ITGA1: variants seen among roughly 807,000 people sequenced by gnomAD.
ITGA1 encodes integrin subunit alpha 1.
ITGA1 carries 85 observed loss-of-function variants against 145.9 expected under a neutral mutation model. That is an observed-to-expected ratio of 0.58 (90% CI 0.49 to 0.70). The LOEUF is 0.70. Ranked by LOEUF, ITGA1 falls within the 30% of genes least tolerant of loss-of-function variation. The pLI, the probability that ITGA1 is intolerant of heterozygous loss-of-function variation, is 0.00. For missense variants in ITGA1, 1,351 were observed against 1,418.7 expected (o/e 0.95, Z 0.77); for synonymous variants, 520 against 495.3 (o/e 1.05, Z -0.66).
At chr5:52,831,077 A>G (rs1749054074) in intron 1 of ITGA1, among the ~76,000 whole-genome samples, 1 of 151,992 alleles carries the variant, frequency 6.6e-6, no homozygotes, top group Non-Finnish European at 1.5e-5. Context: ...AAATATAGAG[A>G]CCTTTTAGGA....
At chr5:52,926,495 A>C (rs1382755863) in intron 19 of ITGA1, among the ~76,000 whole-genome samples, 1 of 141,206 alleles carries the variant, frequency 7.1e-6, no homozygotes, top group East Asian at 2.0e-4. Context: ...CCAGCTACTC[A>C]GGAGGCTGAG....
chr5:52,800,211 G>A, intron 1 of ITGA1: 1 of 619,830 alleles, frequency 1.6e-6, no homozygotes, highest in Non-Finnish European at 2.8e-6. Context: ...GAGAGGAAAG[G>A]ATAGAGGAAG....
chr5:52,793,672 C>T (rs768754424), intron 1 of ITGA1, among the ~76,000 whole-genome samples: 1 of 151,976 alleles, frequency 6.6e-6, no homozygotes, highest in African/African-American at 2.4e-5. Context: ...ATGTGAACCC[C>T]ATCTAGATAC....
chr5:52,820,807 GT>G (rs900787615), intron 1 of ITGA1, among the ~76,000 whole-genome samples: 38 of 151,288 alleles, frequency 2.5e-4, no homozygotes, highest in Admixed American at 1.2e-3. Flanking sequence ...TATTATCTCA[GT>G]TTTTTTTTAT....
At chr5:52,934,506 A>G (rs1169918673) in intron 23 of ITGA1, among the ~76,000 whole-genome samples, 1 of 151,898 alleles carries the variant, frequency 6.6e-6, no homozygotes, top group African/African-American at 2.4e-5. Flanking sequence ...TTTCACATGC[A>G]TTGTACTATA....
chr5:52,929,336 A>G (rs1750862554), intron 20 of ITGA1, among the ~76,000 whole-genome samples: 1 of 152,206 alleles, frequency 6.6e-6, no homozygotes, highest in Non-Finnish European at 1.5e-5. Context: ...CAAAGGCCCC[A>G]TCTCCTAATA....
intron 6 of ITGA1, among the ~76,000 whole-genome samples, chr5:52,878,454 C>T (rs1469147442): frequency 6.6e-6 from 1 of 152,028 alleles, no homozygotes; most frequent in South Asian, 2.1e-4. Context: ...ATAATTTTTC[C>T]GGACAATCCA....
intron 1 of ITGA1, among the ~76,000 whole-genome samples, chr5:52,792,485 C>T (rs577241850): frequency 6.6e-6 from 1 of 152,250 alleles, no homozygotes; most frequent in East Asian, 1.9e-4. Context: ...ACTAGTTTAA[C>T]TATTTCTCTT....
In ITGA1 at chr5:52,939,574, A is replaced by G. The variant is rs1384209968; in HGVS notation, c.3079-16A>G. On this transcript the variant is annotated splice_polypyrimidine_tract_variant and intron_variant, in intron 24 of 28. Coordinates refer to ENST00000282588, the MANE Select transcript of ITGA1 (RefSeq NM_181501.2). Reference sequence around the variant, plus strand: ...TATCTGGCATTGTCTGATAAATGTAATATTTTCATTTCTAGAATGCAAACT... The same window carrying G: ...TATCTGGCATTGTCTGATAAATGTAGTATTTTCATTTCTAGAATGCAAACT... The G allele has an allele frequency of 2.0e-6, 3 of 1,523,738 alleles. No individual in the cohort carries two copies. In the African/African-American group the frequency reaches 4.1e-5, roughly 21 times the overall value. 94.4% of individuals were successfully genotyped at this position (1,523,738 alleles called of 1,614,324 possible).
intron 6 of ITGA1, among the ~76,000 whole-genome samples, chr5:52,866,774 A>T (rs961711661): frequency 6.6e-6 from 1 of 152,212 alleles, no homozygotes; most frequent in Admixed American, 6.5e-5. Flanking sequence ...GTTTAATTTA[A>T]TTACATTTAA....
intron 1 of ITGA1, chr5:52,824,233 G>C (rs191185740): frequency 2.7e-4 from 40 of 149,128 alleles, no homozygotes; most frequent in African/African-American, 9.6e-4. Context: ...CCTTACTTCT[G>C]TTTCCTTTTG....
chr5:52,956,604 TC>T lies in ITGA1; in HGVS notation c.*4155del, dbSNP rs1420570865. On this transcript the variant is annotated 3_prime_UTR_variant, in exon 29 of 29. Coordinates refer to ENST00000282588, the MANE Select transcript of ITGA1 (RefSeq NM_181501.2). ...GAGGAGGGACAAAGCAGAATATACT[TC>T]CAAGCTGGAACATCTTTAAGACATT... 1 of 152,192 alleles carries T rather than the reference TC, an allele frequency of 6.6e-6. No individual in the cohort carries two copies. The allele number at this position is 152,192 out of a possible 1,614,324, so 9.4% of individuals were successfully genotyped here. A position where few individuals can be genotyped will look rare whatever the true frequency, so the allele number is the denominator to read the frequency against.
intron 1 of ITGA1, among the ~76,000 whole-genome samples, chr5:52,828,898 C>T (rs970054360): frequency 3.3e-5 from 5 of 152,148 alleles, no homozygotes; most frequent in South Asian, 2.1e-4. Context: ...ACACTTGATA[C>T]TAATCTCTAA....
In ITGA1 at chr5:52,932,619, G is replaced by A. The variant is rs1750909376; in HGVS notation, c.2861+483G>A. ...ATTCATAAACCATTCTTTCTCTTAAGAACTTCTTATCTATCCCAACACAAA... is the reference window on the plus strand; with the variant it reads ...ATTCATAAACCATTCTTTCTCTTAAAAACTTCTTATCTATCCCAACACAAA... On this transcript the variant is annotated intron_variant, in intron 22 of 28. Coordinates refer to ENST00000282588, the MANE Select transcript of ITGA1 (RefSeq NM_181501.2). The A allele has an allele frequency of 1.3e-5, 2 of 152,076 alleles. 1 individual carries two copies. Among genetic ancestry groups the A allele is most frequent in the Admixed American group, 1.3e-4 (2 of 15,242 alleles). The allele number at this position is 152,076 out of a possible 1,614,324, so 9.4% of individuals were successfully genotyped here. A position where few individuals can be genotyped will look rare whatever the true frequency, so the allele number is the denominator to read the frequency against.
chr5:52,821,280 T>G (rs1405760982), intron 1 of ITGA1, among the ~76,000 whole-genome samples: 1 of 152,200 alleles, frequency 6.6e-6, no homozygotes, highest in African/African-American at 2.4e-5. Context: ...TTTCTCAAAG[T>G]TATCTCCAGT....
Position 52,912,372 on chromosome 5 carries a change from A to G in ITGA1, c.1857+1953A>G, listed in dbSNP as rs377162147. On this transcript the variant is annotated intron_variant, in intron 14 of 28. Coordinates refer to ENST00000282588, the MANE Select transcript of ITGA1 (RefSeq NM_181501.2). Reference sequence around the variant, plus strand: ...ATGTATTATATATAGTGTATCCAGTATATGTATTATATATAGTGTATCCAG... The same window carrying G: ...ATGTATTATATATAGTGTATCCAGTGTATGTATTATATATAGTGTATCCAG... 1.3e-4 allele frequency among the ~76,000 whole-genome samples: 19 copies of G among 145,472 alleles called. No individual in the cohort carries two copies. The South Asian group carries it at 2.6e-3, about 20-fold the overall frequency.
intron 2 of ITGA1, among the ~76,000 whole-genome samples, chr5:52,856,060 A>G (rs1033723605): frequency 2.0e-5 from 3 of 152,056 alleles, no homozygotes; most frequent in Non-Finnish European, 4.4e-5. Context: ...TCCAATTATC[A>G]CCATATCCTA....
chr5:52,946,723 G>A (rs1047265537), intron 27 of ITGA1, among the ~76,000 whole-genome samples: 7 of 152,050 alleles, frequency 4.6e-5, no homozygotes, highest in Non-Finnish European at 1.0e-4. Context: ...CACTAAAAGC[G>A]GTCCATTTTA....
chr5:52,882,628 C>T (rs1315331888), intron 7 of ITGA1, among the ~76,000 whole-genome samples: 1 of 152,102 alleles, frequency 6.6e-6, no homozygotes, highest in African/African-American at 2.4e-5. Context: ...CTTCCATCTG[C>T]AGTTTTCCTT....
Sources: gnomAD v4.1 joint callset for allele counts (sites outside exome capture counted in the v4.1 genomes callset) on GRCh38, gnomAD v4.1.1 for gene constraint, MANE v1.5 for transcripts, NCBI Gene and HGNC (gene_info 2026-07-23, HGNC 2026-07-21) for gene names.